The following EYA2 variants were observed in gnomAD, a reference collection of about 807,000 sequenced individuals.
The protein encoded by EYA2 is EYA transcriptional coactivator and phosphatase 2.
Under a neutral mutation model 69.2 loss-of-function variants are expected in EYA2, and 31 were observed. The observed-to-expected ratio is 0.45, with a 90% CI of 0.34 to 0.60. The LOEUF (loss-of-function observed/expected upper bound fraction) is 0.60, where lower values mean the gene tolerates loss of function less well. Ranked by LOEUF, EYA2 falls within the 20% of genes least tolerant of loss-of-function variation. The pLI is 0.02. For missense variants in EYA2, 622 were observed against 701.2 expected (o/e 0.89, Z 1.28); for synonymous variants, 257 against 279.4 (o/e 0.92, Z 0.80).
chr20:47,047,650 G>T (rs991540305), intron 5 of EYA2, among the ~76,000 whole-genome samples: 2 of 152,168 alleles, frequency 1.3e-5, no homozygotes, highest in African/African-American at 4.8e-5. Flanking sequence ...GCCTCCCAAA[G>T]TGCTGGGATT....
chr20:46,943,986 G>A (rs1266545074), intron 1 of EYA2, among the ~76,000 whole-genome samples: 1 of 152,052 alleles, frequency 6.6e-6, no homozygotes, highest in East Asian at 1.9e-4. Flanking sequence ...AAGCTGACTT[G>A]TGCCAAAAAC....
In EYA2 at chr20:47,093,590, C is replaced by T. The variant is rs192792140; in HGVS notation, c.805-3495C>T. Among the ~76,000 whole-genome samples the T allele has an allele frequency of 1.1e-4, 16 of 152,118 alleles. No individual in the cohort carries two copies. The East Asian group carries it at 2.9e-3, about 28-fold the overall frequency. On this transcript the variant is annotated intron_variant, in intron 8 of 15. Coordinates refer to ENST00000327619, the MANE Select transcript of EYA2 (RefSeq NM_005244.5). The stretch of plus-strand genomic sequence containing the variant: ...TCTCTGGGCACCAGCGCAAGCTGTG[C>T]TGTGGCTCCCCTCTGTCTATCTGCA...
intron 5 of EYA2, 179 bp from the exon 6 acceptor site, chr20:47,072,006 G>A: frequency 3.1e-6 from 2 of 646,204 alleles, no homozygotes; most frequent in Non-Finnish European, 5.6e-6. Flanking sequence ...GTGTCAACAA[G>A]TCTCACCTGG....
chr20:46,912,014 G>T (rs970789369), intron 1 of EYA2, among the ~76,000 whole-genome samples: 2 of 152,174 alleles, frequency 1.3e-5, no homozygotes, highest in African/African-American at 4.8e-5. Context: ...ATCACACATT[G>T]TATGCATGTA....
chr20:46,955,758 T>C (rs1015096978), intron 1 of EYA2, among the ~76,000 whole-genome samples: 2 of 152,236 alleles, frequency 1.3e-5, no homozygotes, highest in African/African-American at 2.4e-5. Context: ...CTAGATCTTA[T>C]CTGCTTTGTT....
chr20:47,159,641 G>A (rs375696283), intron 10 of EYA2, among the ~76,000 whole-genome samples: 15 of 152,004 alleles, frequency 9.9e-5, no homozygotes, highest in African/African-American at 3.6e-4. Context: ...GGAGAAAGTG[G>A]GTGTGGGGTG....
At chr20:46,915,356 C>T (rs763492856) in intron 1 of EYA2, among the ~76,000 whole-genome samples, 2 of 152,178 alleles carry the variant, frequency 1.3e-5, no homozygotes, top group Non-Finnish European at 2.9e-5. Flanking sequence ...CAAATTATGC[C>T]CCTCTCATGG....
At chr20:47,125,435 GTTT>G (rs200964192) in intron 9 of EYA2, among the ~76,000 whole-genome samples, 3 of 151,306 alleles carry the variant, frequency 2.0e-5, no homozygotes, top group African/African-American at 7.3e-5. Flanking sequence ...AAGAAGCCAA[GTTT>G]TTTTTTAACT....
chr20:46,911,029 G>A (rs144490759), intron 1 of EYA2, among the ~76,000 whole-genome samples: 4 of 152,284 alleles, frequency 2.6e-5, no homozygotes, highest in South Asian at 2.1e-4. Context: ...ACCATTTACC[G>A]TTGGGACCAT....
At chr20:46,993,315 G>C (rs1038330138) in intron 2 of EYA2, among the ~76,000 whole-genome samples, 3 of 152,212 alleles carry the variant, frequency 2.0e-5, no homozygotes, top group Non-Finnish European at 4.4e-5. Context: ...ATCCCTGGAA[G>C]CCTCCCAAAC....
chr20:46,951,971 C>T (rs1429422106), intron 1 of EYA2, among the ~76,000 whole-genome samples: 3 of 152,220 alleles, frequency 2.0e-5, no homozygotes, highest in Non-Finnish European at 4.4e-5. Flanking sequence ...ATTTATTATG[C>T]TCCTACTTAT....
Position 46,943,061 on chromosome 20 carries a change from C to T in EYA2, c.-10-46940C>T, listed in dbSNP as rs148432625. Among the ~76,000 whole-genome samples the T allele has an allele frequency of 1.6e-4, 24 of 152,304 alleles. No individual in the cohort carries two copies. In the East Asian group the frequency reaches 3.7e-3, roughly 23 times the overall value. The stretch of plus-strand genomic sequence containing the variant: ...GATTATGGGCGTGAGCCTGCGCTCC[C>T]GGCTGGTTCTCTGAATTAATCGGTG... On this transcript the variant is annotated intron_variant, in intron 1 of 15. Coordinates refer to ENST00000327619, the MANE Select transcript of EYA2 (RefSeq NM_005244.5).
At chr20:47,068,885 A>T (rs2031210309) in intron 5 of EYA2, among the ~76,000 whole-genome samples, 1 of 152,150 alleles carries the variant, frequency 6.6e-6, no homozygotes, top group Non-Finnish European at 1.5e-5. Context: ...TTGAGTAGCC[A>T]TTTGTTTTCT....
intron 1 of EYA2, among the ~76,000 whole-genome samples, chr20:46,936,386 G>A (rs1985910069): frequency 1.3e-5 from 2 of 152,150 alleles, no homozygotes; most frequent in Non-Finnish European, 2.9e-5. Flanking sequence ...CAGGAAAATC[G>A]CTTGAACCCG....
chr20:47,067,998 A>G (rs1347868468), intron 5 of EYA2, among the ~76,000 whole-genome samples: 1 of 152,180 alleles, frequency 6.6e-6, no homozygotes, highest in African/African-American at 2.4e-5. Context: ...TGTCATTCCT[A>G]TTCTTTTTCC....
intron 1 of EYA2, among the ~76,000 whole-genome samples, chr20:46,984,381 GAA>G (rs3092382): frequency 0.57 from 84,013 of 148,218 alleles, 24,462 homozygotes; most frequent in Non-Finnish European, 0.66. Context: ...AAATCAGTAA[GAA>G]AAAAAAAAAA....
At chr20:47,010,924 A>G (rs944487037) in intron 4 of EYA2, among the ~76,000 whole-genome samples, 9 of 151,370 alleles carry the variant, frequency 5.9e-5, no homozygotes, top group South Asian at 2.1e-4. Context: ...AATAGCTGGG[A>G]TTACATATGT....
intron 12 of EYA2, among the ~76,000 whole-genome samples, chr20:47,176,972 A>G (rs1243633192): frequency 6.6e-6 from 1 of 151,794 alleles, no homozygotes; most frequent in Non-Finnish European, 1.5e-5. Flanking sequence ...TTGTATTTTT[A>G]GTAGAGATAG....
intron 5 of EYA2, 135 bp downstream of exon 5, chr20:47,016,432 T>C (rs111933793): frequency 7.5e-6 from 5 of 669,672 alleles, no homozygotes; most frequent in South Asian, 1.8e-5. Context: ...GTGGAGAAAA[T>C]AGATACGAGA....
Sources: allele counts gnomAD v4.1 joint callset (sites outside exome capture counted in the v4.1 genomes callset), GRCh38; gene constraint gnomAD v4.1.1; transcripts MANE v1.5; gene names NCBI Gene and HGNC (gene_info 2026-07-23, HGNC 2026-07-21).